Variants in TEK observed in about 807,000 individuals in gnomAD.
The protein encoded by TEK is TEK receptor tyrosine kinase.
Under a neutral mutation model 131.8 loss-of-function variants are expected in TEK, and 43 were observed. The ratio of observed to expected loss-of-function variants is 0.33; its 90% CI spans 0.26 to 0.42. TEK has a LOEUF of 0.42. Among genes scored for constraint, TEK ranks in the 10% least tolerant of loss-of-function variants. TEK has a pLI of 1.00. For missense variants in TEK, 1,162 were observed against 1,384.4 expected (o/e 0.84, Z 2.55); for synonymous variants, 580 against 491.6 (o/e 1.18, Z -2.38).
intron 20 of TEK, 107 bp downstream of exon 20, chr9:27,218,924 C>A: frequency 2.7e-6 from 3 of 1,109,862 alleles, no homozygotes; most frequent in Non-Finnish European, 4.1e-6. Flanking sequence ...GTATGTGGTT[C>A]TACCAGATGT....
At chr9:27,128,018 T>G (rs1318341710) in intron 1 of TEK, among the ~76,000 whole-genome samples, 3 of 152,208 alleles carry the variant, frequency 2.0e-5, no homozygotes, top group African/African-American at 7.2e-5. Context: ...CTGTTGCGAT[T>G]GCTTTTGGTG....
intron 18 of TEK, among the ~76,000 whole-genome samples, chr9:27,215,906 G>T (rs1035788556): frequency 6.6e-6 from 1 of 152,170 alleles, no homozygotes; most frequent in Admixed American, 6.5e-5. Context: ...GTCAAATCCT[G>T]AGTTTCATAG....
intron 1 of TEK, among the ~76,000 whole-genome samples, chr9:27,123,843 T>A (rs2131046725): frequency 6.6e-6 from 1 of 152,318 alleles, no homozygotes; most frequent in Non-Finnish European, 1.5e-5. Flanking sequence ...ATGGCATGAT[T>A]TCGGCTCACT....
intron 11 of TEK, among the ~76,000 whole-genome samples, chr9:27,195,928 G>A (rs1824989773): frequency 6.6e-6 from 1 of 152,180 alleles, no homozygotes; most frequent in Non-Finnish European, 1.5e-5. Flanking sequence ...TGTCTTGGTA[G>A]CCCAGGCTCC....
chr9:27,133,432 G>T (rs1822296369), intron 1 of TEK, among the ~76,000 whole-genome samples: 1 of 152,328 alleles, frequency 6.6e-6, no homozygotes, highest in East Asian at 1.9e-4. Context: ...GCCACAGTCG[G>T]CTGAGTTTGA....
rs145574565 is a variant in TEK, at chr9:27,185,595, G to A, written c.1293G>A (p.Gly431=). The change falls in exon 9 of 23, where the codon GGG becomes GGA. Residue 431 remains glycine, a synonymous_variant. Transcript: ENST00000380036. ...VWVCSVNTVA[G]MVEKPFNISV... ...TCTGCAGTGTGAACACAGTGGCTGG[G>A]ATGGTGGAAAAGCCCTTCAACATTT... 1.8e-5 allele frequency: 29 copies of A among 1,613,704 alleles called. No individual in the cohort carries two copies. In the African/African-American group the frequency reaches 3.3e-4, roughly 19 times the overall value.
intron 6 of TEK, among the ~76,000 whole-genome samples, chr9:27,173,737 G>GTTTTTTTTTTTTTTTTTTTT: frequency 1.1e-5 from 1 of 93,984 alleles, no homozygotes; most frequent in Non-Finnish European, 2.1e-5. Context: ...TTTTTTTTTG[G>GTTTTTTTTTTTTTTTTTTTT]TTTTTTTTTT....
chr9:27,203,302 A>G (rs528814849), intron 13 of TEK, among the ~76,000 whole-genome samples, 183 bp downstream of exon 13: 3 of 152,166 alleles, frequency 2.0e-5, no homozygotes, highest in Non-Finnish European at 2.9e-5. Flanking sequence ...TCCGTTTTCT[A>G]TTATTGAACC....
intron 21 of TEK, among the ~76,000 whole-genome samples, chr9:27,224,284 C>T (rs1232196809): frequency 6.6e-6 from 1 of 152,200 alleles, no homozygotes; most frequent in Middle Eastern, 3.4e-3. Context: ...TCCTGTTACC[C>T]AAACCTGGCA....
intron 1 of TEK, among the ~76,000 whole-genome samples, chr9:27,137,617 T>A (rs1362000843): frequency 6.6e-6 from 1 of 152,154 alleles, no homozygotes; most frequent in African/African-American, 2.4e-5. Flanking sequence ...TCATTTTATA[T>A]ATATTTTTAA....
chr9:27,223,466 CT>C (rs1420181016), intron 21 of TEK, among the ~76,000 whole-genome samples: 1 of 152,198 alleles, frequency 6.6e-6, no homozygotes, highest in African/African-American at 2.4e-5. Flanking sequence ...AAGAAACTCA[CT>C]GAAAACCACA....
rs368628122 is a variant in TEK, at chr9:27,209,281, C to G, written c.2686+50C>G. The G allele has an allele frequency of 6.2e-6, 8 of 1,285,902 alleles. No individual in the cohort carries two copies. The African/African-American group carries it at 8.8e-5, about 14-fold the overall frequency. 79.7% of individuals were successfully genotyped at this position (1,285,902 alleles called of 1,614,324 possible). ...CCTGCCAGAGTTTTTATAAAACAGA[C>G]AAATTCCATATGGATATAAGGAAAG... On this transcript the variant is annotated intron_variant, in intron 16 of 22. Coordinates refer to ENST00000380036, the MANE Select transcript of TEK (RefSeq NM_000459.5).
intron 2 of TEK, among the ~76,000 whole-genome samples, chr9:27,162,235 C>T (rs1564068779): frequency 6.6e-6 from 1 of 152,316 alleles, no homozygotes; most frequent in East Asian, 1.9e-4. Flanking sequence ...TGCCTAGGGA[C>T]ACAGCAGGAT....
rs1050332132 is a variant in TEK, at chr9:27,213,376, C to T, written c.2878-108C>T. 7 of 794,204 alleles carry T rather than the reference C, an allele frequency of 8.8e-6. No homozygotes were observed. The African/African-American group carries it at 1.0e-4, about 12-fold the overall frequency. The allele number at this position is 794,204 out of a possible 1,614,324, so 49.2% of individuals were successfully genotyped here. A position where few individuals can be genotyped will look rare whatever the true frequency, so the allele number is the denominator to read the frequency against. On this transcript the variant is annotated intron_variant, in intron 17 of 22. Transcript: ENST00000380036. ...GAACTTTAAGGGAACTGGATTGTGA[C>T]TGTTTAAAATCCTTTTTTATACTAT...
At position 27,196,862 on chromosome 9, in the gene TEK, ATTTTT is replaced by A. The variant is rs1375107996; in HGVS notation, c.1625-451_1625-447del. Among the ~76,000 whole-genome samples, 16 of 57,852 alleles carry A rather than the reference ATTTTT, an allele frequency of 2.8e-4. No homozygotes were observed. The East Asian group carries it at 7.7e-3, about 28-fold the overall frequency. The allele number at this position is 57,852 out of a possible 152,430, so 38.0% of individuals were successfully genotyped here. A position where few individuals can be genotyped will look rare whatever the true frequency, so the allele number is the denominator to read the frequency against. The stretch of plus-strand genomic sequence containing the variant: ...TTCTGACAAAGCTCCTGTTTATTTT[ATTTTT>A]TATTTTTTATTATACTTTAAGTTTT... On this transcript the variant is annotated intron_variant, in intron 11 of 22. Transcript: ENST00000380036.
At position 27,129,573 on chromosome 9, in the gene TEK, T is replaced by C. The variant is rs564047425; in HGVS notation, c.52+19931T>C. 2.6e-4 allele frequency among the ~76,000 whole-genome samples: 39 copies of C among 152,336 alleles called. 1 individual carries two copies. In the South Asian group the frequency reaches 5.6e-3, roughly 22 times the overall value. ...AATCTTAGCAGGAGCTCTGTATTGT[T>C]ACTCAAGCATGGCTTTCAGTTTTTA... On this transcript the variant is annotated intron_variant, in intron 1 of 22. Coordinates refer to ENST00000380036, the MANE Select transcript of TEK (RefSeq NM_000459.5).
At chr9:27,112,863 G>A (rs1291167581) in intron 1 of TEK, among the ~76,000 whole-genome samples, 2 of 152,228 alleles carry the variant, frequency 1.3e-5, no homozygotes, top group Non-Finnish European at 2.9e-5. Context: ...TATATTTAAT[G>A]TGGGAGAGAC....
At chr9:27,150,667 A>G (rs958494337) in intron 1 of TEK, among the ~76,000 whole-genome samples, 2 of 152,160 alleles carry the variant, frequency 1.3e-5, no homozygotes, top group African/African-American at 4.8e-5. Context: ...CTTCCGGTGT[A>G]AACAATCCTT....
intron 11 of TEK, among the ~76,000 whole-genome samples, chr9:27,193,280 C>G (rs748551845): frequency 6.6e-6 from 1 of 152,150 alleles, no homozygotes; most frequent in Non-Finnish European, 1.5e-5. Flanking sequence ...CAGAATCACT[C>G]AGAGAGTTTG....
Sources: allele counts gnomAD v4.1 joint callset (sites outside exome capture counted in the v4.1 genomes callset), GRCh38; gene constraint gnomAD v4.1.1; transcripts MANE v1.5; gene names NCBI Gene and HGNC (gene_info 2026-07-23, HGNC 2026-07-21).